Variants in CAPZB observed in about 807,000 individuals in gnomAD.
The protein encoded by CAPZB is F-actin-capping protein subunit beta.
Under a neutral mutation model 38.1 loss-of-function variants are expected in CAPZB, and 2 were observed. The observed-to-expected ratio is 0.05, with a 90% confidence interval of 0.02 to 0.17. The LOEUF is 0.17. CAPZB is among the 10% of genes least tolerant of loss of function. The probability of loss-of-function intolerance (pLI) is 1.00; values close to 1 mark genes in which losing one functional copy is unlikely to be tolerated. For missense variants in CAPZB, 161 were observed against 334.2 expected, an observed-to-expected ratio of 0.48 and a Z score of 4.04; for synonymous variants, 107 against 127.4, an observed-to-expected ratio of 0.84 and a Z score of 1.08.
intron 4 of CAPZB, among the ~76,000 whole-genome samples, chr1:19,363,242 T>C (rs895998420): frequency 7.0e-6 from 1 of 143,128 alleles, no homozygotes; most frequent in East Asian, 2.1e-4. Context: ...CCACCATGCA[T>C]GGCTAATTAA....
chr1:19,439,337 A>G (rs1570271631), intron 1 of CAPZB, among the ~76,000 whole-genome samples: 1 of 152,242 alleles, frequency 6.6e-6, no homozygotes, highest in East Asian at 1.9e-4. Context: ...GTACATTTGT[A>G]CTCATATGGG....
intron 2 of CAPZB, among the ~76,000 whole-genome samples, chr1:19,397,079 C>T (rs1455947317): frequency 7.0e-6 from 1 of 143,756 alleles, no homozygotes; most frequent in African/African-American, 2.4e-5. Context: ...TCTCCAAAGA[C>T]ACTGTAATTT....
chr1:19,456,616 A>T (rs113893883), intron 1 of CAPZB, among the ~76,000 whole-genome samples: 2,128 of 152,156 alleles, frequency 0.014, 46 homozygotes, highest in African/African-American at 0.048. Flanking sequence ...CAGAGCAAGA[A>T]TACTCCAGCC....
chr1:19,396,047 C>T (rs1341153960), intron 2 of CAPZB, among the ~76,000 whole-genome samples: 3 of 152,236 alleles, frequency 2.0e-5, no homozygotes, highest in Non-Finnish European at 2.9e-5. Flanking sequence ...GGGTCTGATT[C>T]GGCCACGCCT....
chr1:19,403,538 G>A (rs963809247), intron 2 of CAPZB, among the ~76,000 whole-genome samples: 18 of 152,224 alleles, frequency 1.2e-4, no homozygotes, highest in Non-Finnish European at 2.1e-4. Context: ...CAGATCAAGA[G>A]CTCTTCCACC....
intron 3 of CAPZB, 116 bp from the exon 4 acceptor site, chr1:19,378,769 A>T (rs1030117395): frequency 3.2e-6 from 2 of 625,530 alleles, no homozygotes; most frequent in East Asian, 5.5e-5. Context: ...CGCTAACTCC[A>T]GCAAAGATTT....
intron 1 of CAPZB, among the ~76,000 whole-genome samples, chr1:19,475,646 C>T (rs1427621693): frequency 2.0e-5 from 3 of 152,206 alleles, no homozygotes; most frequent in Non-Finnish European, 4.4e-5. Context: ...CCAGGCTTGG[C>T]CGAGAGCTCA....
chr1:19,447,424 G>T, intron 1 of CAPZB, among the ~76,000 whole-genome samples: 1 of 144,950 alleles, frequency 6.9e-6, no homozygotes, highest in Admixed American at 6.9e-5. Context: ...TAGTAGAGAT[G>T]GGGTTTCACC....
chr1:19,439,693 A>G (rs1484799383), intron 1 of CAPZB, among the ~76,000 whole-genome samples: 1 of 152,148 alleles, frequency 6.6e-6, no homozygotes, highest in East Asian at 1.9e-4. Context: ...CCTCCCTCCA[A>G]GCAGCTTCCC....
intron 1 of CAPZB, among the ~76,000 whole-genome samples, chr1:19,433,337 C>T (rs983207623): frequency 6.6e-6 from 1 of 152,196 alleles, no homozygotes; most frequent in Admixed American, 6.5e-5. Flanking sequence ...CTCCTGTCTT[C>T]CAAATAACAG....
At chr1:19,349,208 C>T (rs1277610953) in intron 6 of CAPZB, among the ~76,000 whole-genome samples, 1 of 152,144 alleles carries the variant, frequency 6.6e-6, no homozygotes, top group Non-Finnish European at 1.5e-5. Context: ...CTCCATCCAC[C>T]CAGCTTCAAA....
At chr1:19,446,071 C>T (rs1187340172) in intron 1 of CAPZB, among the ~76,000 whole-genome samples, 5 of 152,234 alleles carry the variant, frequency 3.3e-5, no homozygotes, top group African/African-American at 1.2e-4. Flanking sequence ...AACCTGAGAG[C>T]GGCAGGGTCA....
chr1:19,359,177 G>A (rs935613844), intron 4 of CAPZB, among the ~76,000 whole-genome samples: 13 of 148,842 alleles, frequency 8.7e-5, no homozygotes, highest in Non-Finnish European at 1.6e-4. Flanking sequence ...TTTACAGAAT[G>A]TGGGTGATGG....
rs749090596 is a variant in CAPZB at position 19,345,180 on chromosome 1, C to T, written c.654+7G>A. 3 of 1,612,646 alleles carry T rather than the reference C, an allele frequency of 1.9e-6. No individual in the cohort carries two copies. The highest frequency in any genetic ancestry group is 1.1e-5 in the South Asian group (1 of 91,056). On this transcript the variant is annotated splice_region_variant and intron_variant, in intron 7 of 8. Transcript: ENST00000264202. The stretch of plus-strand genomic sequence containing the variant: ...TGCAGGAGCCAGCCAGAGCCCAGGT[C>T]ACTCACCTCTACCAGGCGCCCGATG...
chr1:19,395,544 G>T (rs1174494125), intron 2 of CAPZB, among the ~76,000 whole-genome samples: 2 of 152,200 alleles, frequency 1.3e-5, no homozygotes, highest in Non-Finnish European at 2.9e-5. Flanking sequence ...TCAGGAAGGG[G>T]CAGAACAAAG....
intron 1 of CAPZB, among the ~76,000 whole-genome samples, chr1:19,468,624 G>A (rs1269617356): frequency 6.6e-6 from 1 of 152,134 alleles, no homozygotes; most frequent in Non-Finnish European, 1.5e-5. Context: ...ATAGAAGAGG[G>A]TAAATCAGAG....
In CAPZB at chr1:19,472,960, G is replaced by A. The variant is rs186044807; in HGVS notation, c.3+12476C>T. ...TCTGGATCTCCTGACCTCATGATCC[G>A]CCCGCCTCGGCCTCCCAAAGTGCTG... On this transcript the variant is annotated intron_variant, in intron 1 of 8. Transcript: ENST00000264202. Among the ~76,000 whole-genome samples the A allele has an allele frequency of 2.8e-3, 430 of 151,982 alleles. 1 individual carries two copies. Among genetic ancestry groups the A allele is most frequent in the Admixed American group, 6.9e-3 (105 of 15,266 alleles).
chr1:19,482,347 CA>C (rs2094632586), intron 1 of CAPZB, among the ~76,000 whole-genome samples: 1 of 152,216 alleles, frequency 6.6e-6, no homozygotes, highest in African/African-American at 2.4e-5. Context: ...TTATCCACAT[CA>C]AGAGACATTA....
chr1:19,398,724 G>C (rs1275986008), intron 2 of CAPZB, among the ~76,000 whole-genome samples: 2 of 152,012 alleles, frequency 1.3e-5, no homozygotes, highest in Non-Finnish European at 2.9e-5. Flanking sequence ...ACATCTCCAG[G>C]GGGCCACATC....
Sources: allele counts gnomAD v4.1 joint callset (sites outside exome capture counted in the v4.1 genomes callset), GRCh38; gene constraint gnomAD v4.1.1; transcripts MANE v1.5; gene names NCBI Gene and HGNC (gene_info 2026-07-23, HGNC 2026-07-21).